The following FRMD5 variants were observed in gnomAD, a reference collection of about 807,000 sequenced individuals.
FRMD5 encodes the protein FERM domain-containing protein 5.
Under a neutral mutation model 69.0 loss-of-function variants are expected in FRMD5, and 20 were observed. The observed-to-expected ratio is 0.29, with a 90% confidence interval of 0.20 to 0.42. The LOEUF is 0.42. FRMD5 is among the 10% of genes least tolerant of loss of function. The pLI is 1.00. For missense variants in FRMD5, 595 were observed against 708.6 expected (o/e 0.84, Z 1.82); for synonymous variants, 271 against 260.1 (o/e 1.04, Z -0.40).
intron 1 of FRMD5, among the ~76,000 whole-genome samples, chr15:44,001,246 T>C (rs1373533556): frequency 6.6e-6 from 1 of 152,230 alleles, no homozygotes; most frequent in African/African-American, 2.4e-5. Context: ...CATTTTTAAA[T>C]CATGTTATTT....
chr15:43,993,459 C>T (rs1018951201), intron 1 of FRMD5, among the ~76,000 whole-genome samples: 5 of 152,184 alleles, frequency 3.3e-5, no homozygotes, highest in Admixed American at 6.5e-5. Flanking sequence ...TCCCAAAGTG[C>T]TGGAATTACA....
chr15:44,144,749 T>G (rs551343119), intron 1 of FRMD5, among the ~76,000 whole-genome samples: 2 of 152,340 alleles, frequency 1.3e-5, no homozygotes, highest in Admixed American at 1.3e-4. Flanking sequence ...TTTCCATTCA[T>G]TTTCTCAAAA....
chr15:44,034,165 T>C (rs370635204), intron 1 of FRMD5, among the ~76,000 whole-genome samples: 30 of 152,324 alleles, frequency 2.0e-4, no homozygotes, highest in African/African-American at 7.2e-4. Flanking sequence ...CAATTTTTGA[T>C]AATCAAAAGT....
intron 1 of FRMD5, among the ~76,000 whole-genome samples, chr15:44,028,102 G>T (rs1027588956): frequency 3.3e-5 from 5 of 152,124 alleles, no homozygotes; most frequent in African/African-American, 1.2e-4. Context: ...GAAAAGGAAG[G>T]GAGAATGAAC....
intron 1 of FRMD5, among the ~76,000 whole-genome samples, chr15:44,181,645 T>C (rs1028960452): frequency 2.0e-5 from 3 of 152,204 alleles, no homozygotes; most frequent in Non-Finnish European, 2.9e-5. Flanking sequence ...CTCACACTTA[T>C]AATCCCAGCA....
chr15:43,906,900 C>T lies in FRMD5; in HGVS notation c.428-949G>A, dbSNP rs534530167. Among the ~76,000 whole-genome samples, 19 of 152,268 alleles carry T rather than the reference C, an allele frequency of 1.2e-4. No homozygotes were observed. In the South Asian group the frequency reaches 2.1e-3, roughly 17 times the overall value. ...ACAGGCGTGAGCCACCGCACCCGGCCGAGAAGCATCAAGTTCTAAGGCTCA... is the reference window on the plus strand; with the variant it reads ...ACAGGCGTGAGCCACCGCACCCGGCTGAGAAGCATCAAGTTCTAAGGCTCA... On this transcript the variant is annotated intron_variant, in intron 5 of 13. Transcript: ENST00000417257.
intron 2 of FRMD5, among the ~76,000 whole-genome samples, chr15:43,923,088 G>C (rs752183213): frequency 5.3e-5 from 8 of 152,188 alleles, no homozygotes; most frequent in Non-Finnish European, 1.0e-4. Context: ...TAGATGAAGG[G>C]AAGTTATAGA....
At position 44,150,185 on chromosome 15, in the gene FRMD5, C is replaced by T. The variant is rs937721832; in HGVS notation, c.102+44768G>A. 3.9e-5 allele frequency among the ~76,000 whole-genome samples: 6 copies of T among 151,978 alleles called. 1 individual carries two copies. Among genetic ancestry groups the T allele is most frequent in the Non-Finnish European group, 7.4e-5 (5 of 67,964 alleles). ...ATAAGAAAAGTCATATATGAAAAAT[C>T]CACAGCAAATATCATACTCAATAGT... On this transcript the variant is annotated intron_variant, in intron 1 of 13. Transcript: ENST00000417257.
intron 7 of FRMD5, chr15:43,901,843 G>A (rs1411363227): frequency 6.9e-6 from 2 of 289,600 alleles, no homozygotes; most frequent in East Asian, 1.7e-4. Context: ...GGGTGGGCAG[G>A]CACTGAGCCG....
chr15:43,963,786 C>T (rs575806088), intron 1 of FRMD5, among the ~76,000 whole-genome samples: 1 of 152,254 alleles, frequency 6.6e-6, no homozygotes, highest in East Asian at 1.9e-4. Context: ...AACCATCATT[C>T]TCAGCAAACT....
chr15:43,902,120 C>T (rs2089059810), intron 7 of FRMD5, 55 bp downstream of exon 7: 5 of 1,344,394 alleles, frequency 3.7e-6, no homozygotes, highest in Non-Finnish European at 5.3e-6. Flanking sequence ...GGCTCTTGCT[C>T]CTGATGCCTT....
intron 1 of FRMD5, among the ~76,000 whole-genome samples, chr15:43,987,736 G>C (rs1351407064): frequency 6.6e-6 from 1 of 152,052 alleles, no homozygotes; most frequent in Non-Finnish European, 1.5e-5. Context: ...TTTTAGTAGA[G>C]ATGGGGTTTC....
chr15:44,042,792 C>T (rs1297442603), intron 1 of FRMD5, among the ~76,000 whole-genome samples: 2 of 152,220 alleles, frequency 1.3e-5, no homozygotes. Flanking sequence ...ATAATAAGTG[C>T]TATTTCTGGC....
At chr15:43,975,384 A>G (rs144713681) in intron 1 of FRMD5, among the ~76,000 whole-genome samples, 2 of 152,346 alleles carry the variant, frequency 1.3e-5, no homozygotes, top group African/African-American at 2.4e-5. Context: ...TAGACGAAAC[A>G]TAAGAGACCA....
At chr15:43,958,289 C>T (rs1284847926) in intron 1 of FRMD5, among the ~76,000 whole-genome samples, 2 of 151,664 alleles carry the variant, frequency 1.3e-5, no homozygotes, top group African/African-American at 2.4e-5. Flanking sequence ...CTTTGAGGAC[C>T]ATGCCTTAGA....
intron 1 of FRMD5, chr15:43,989,600 T>C (rs1889569019): frequency 2.3e-6 from 2 of 852,934 alleles, no homozygotes; most frequent in Non-Finnish European, 4.1e-6. Flanking sequence ...GTAGCTGTGC[T>C]AGGTGAGGAC....
intron 1 of FRMD5, among the ~76,000 whole-genome samples, chr15:43,973,790 C>T (rs948150431): frequency 3.3e-5 from 5 of 151,404 alleles, no homozygotes; most frequent in African/African-American, 1.2e-4. Context: ...ACCCAAACCT[C>T]TATTTGGTTT....
intron 2 of FRMD5, 68 bp from the exon 3 acceptor site, chr15:43,919,877 C>T: frequency 2.1e-6 from 3 of 1,436,096 alleles, no homozygotes; most frequent in South Asian, 1.1e-5. Context: ...TTGTTTTCTC[C>T]AACTTAAAAA....
At chr15:44,074,508 GT>G (rs535279705) in intron 1 of FRMD5, among the ~76,000 whole-genome samples, 2 of 147,824 alleles carry the variant, frequency 1.4e-5, no homozygotes, top group Non-Finnish European at 3.0e-5. Flanking sequence ...TTTTTTTTTT[GT>G]TTTTTTTTTC....
Sources: gnomAD v4.1 joint callset for allele counts (sites outside exome capture counted in the v4.1 genomes callset) on GRCh38, gnomAD v4.1.1 for gene constraint, MANE v1.5 for transcripts, NCBI Gene and HGNC (gene_info 2026-07-23, HGNC 2026-07-21) for gene names.